AKAP13: variants seen among roughly 807,000 people sequenced by gnomAD.
The protein encoded by AKAP13 is A-kinase anchoring protein 13.
A neutral mutation model predicts 264.5 loss-of-function variants in AKAP13; 80 were observed. The ratio of observed to expected loss-of-function variants is 0.30; its 90% CI spans 0.25 to 0.36. The LOEUF (loss-of-function observed/expected upper bound fraction) is 0.36, where lower values mean the gene tolerates loss of function less well. AKAP13 is among the 10% of genes least tolerant of loss of function. AKAP13 has a pLI of 1.00. For synonymous variants in AKAP13, 1,380 were observed against 1,250.2 expected, an observed-to-expected ratio of 1.10 and a Z score of -2.19; for missense variants, 3,712 against 3,435.2, an observed-to-expected ratio of 1.08 and a Z score of -2.01.
At chr15:85,402,100 C>T (rs959513280) in intron 1 of AKAP13, among the ~76,000 whole-genome samples, 1 of 152,146 alleles carries the variant, frequency 6.6e-6, no homozygotes, top group Non-Finnish European at 1.5e-5. Context: ...AACGGTTAAA[C>T]TGTATCAGGT....
In AKAP13 at chr15:85,690,379, A is replaced by C. The variant is rs530925312; in HGVS notation, c.5290-2898A>C. 2.0e-5 allele frequency among the ~76,000 whole-genome samples: 3 copies of C among 152,380 alleles called. No homozygotes were observed. In the South Asian group the frequency reaches 6.2e-4, roughly 32 times the overall value. On this transcript the variant is annotated intron_variant, in intron 16 of 36. Coordinates refer to ENST00000394518, the MANE Select transcript of AKAP13 (RefSeq NM_007200.5). Reference sequence around the variant, plus strand: ...TCCATTTAACATTTTATGCATGGAAAAACCTTTAGCAAAATTTAGTTAAAA... The same window carrying C: ...TCCATTTAACATTTTATGCATGGAACAACCTTTAGCAAAATTTAGTTAAAA...
At chr15:85,723,422 G>T (rs1423981022) in intron 26 of AKAP13, 102 bp downstream of exon 26, 3 of 1,508,810 alleles carry the variant, frequency 2.0e-6, no homozygotes, top group South Asian at 1.3e-5. Flanking sequence ...TTCCCAGAGA[G>T]CCCATCTCTA....
chr15:85,624,520 A>G (rs1405192269), intron 8 of AKAP13: 1 of 152,234 alleles, frequency 6.6e-6, no homozygotes, highest in Admixed American at 6.5e-5. Context: ...GAGGCTCTGG[A>G]TTGAAGACAA....
chr15:85,654,134 GC>G (rs765335148), intron 10 of AKAP13, among the ~76,000 whole-genome samples: 1 of 152,220 alleles, frequency 6.6e-6, no homozygotes, highest in Non-Finnish European at 1.5e-5. Context: ...AGACCTCATT[GC>G]CAGGACTGAT....
At chr15:85,551,109 T>C (rs2077947601) in intron 5 of AKAP13, among the ~76,000 whole-genome samples, 1 of 152,192 alleles carries the variant, frequency 6.6e-6, no homozygotes. Flanking sequence ...TTGGTAGCAT[T>C]TTCAGGCTTT....
intron 5 of AKAP13, among the ~76,000 whole-genome samples, chr15:85,559,266 A>T (rs762904236): frequency 1.6e-4 from 25 of 152,190 alleles, no homozygotes; most frequent in Non-Finnish European, 2.8e-4. Context: ...CAGAGACAAC[A>T]CAAGTTCTGA....
intron 2 of AKAP13, among the ~76,000 whole-genome samples, chr15:85,487,711 G>T (rs535504014): frequency 1.7e-4 from 26 of 150,850 alleles, no homozygotes; most frequent in African/African-American, 6.1e-4. Flanking sequence ...GACTACAGAT[G>T]TGCGCCACCA....
intron 10 of AKAP13, among the ~76,000 whole-genome samples, chr15:85,650,607 T>G (rs1445317498): frequency 6.7e-6 from 1 of 150,148 alleles, no homozygotes; most frequent in Non-Finnish European, 1.5e-5. Context: ...AATACAAAAA[T>G]TAGCTGGGCG....
chr15:85,684,658 C>A, intron 15 of AKAP13, 83 bp from the exon 16 acceptor site: 1 of 1,438,788 alleles, frequency 7.0e-7, no homozygotes, highest in South Asian at 1.3e-5. Flanking sequence ...ATTCAGCAGC[C>A]TTCATCTACC....
chr15:85,648,586 T>C (rs1415896385), intron 10 of AKAP13, among the ~76,000 whole-genome samples: 1 of 152,126 alleles, frequency 6.6e-6, no homozygotes, highest in African/African-American at 2.4e-5. Context: ...GTGGTGGATC[T>C]TAGCATTTTG....
chr15:85,420,016 A>G (rs1321717577), intron 1 of AKAP13, among the ~76,000 whole-genome samples: 2 of 132,784 alleles, frequency 1.5e-5, no homozygotes, highest in Non-Finnish European at 3.0e-5. Context: ...ATCTCAGCTC[A>G]CTGCAAGCTC....
At position 85,747,006 on chromosome 15, in the gene AKAP13, G is replaced by C. The variant is rs144106205; in HGVS notation, c.*2329G>C. 3.5e-4 allele frequency: 53 copies of C among 152,358 alleles called. No individual in the cohort carries two copies. The highest frequency in any genetic ancestry group is 1.1e-3 in the African/African-American group (47 of 41,588). 9.4% of individuals were successfully genotyped at this position (152,358 alleles called of 1,614,324 possible). The stretch of plus-strand genomic sequence containing the variant: ...GGTCTCTTACTCCCCGCCCAGCTGT[G>C]ATGTTTCATCTGCTTTGGTTGTTTT... On this transcript the variant is annotated 3_prime_UTR_variant, in exon 37 of 37. Coordinates refer to ENST00000394518, the MANE Select transcript of AKAP13 (RefSeq NM_007200.5).
intron 1 of AKAP13, among the ~76,000 whole-genome samples, chr15:85,484,109 T>C (rs534336836): frequency 6.9e-4 from 105 of 152,278 alleles, no homozygotes; most frequent in African/African-American, 2.4e-3. Flanking sequence ...TCCCATGTCC[T>C]AGGCAAGTCT....
At chr15:85,383,759 G>A (rs1406783191) in intron 1 of AKAP13, among the ~76,000 whole-genome samples, 1 of 152,130 alleles carries the variant, frequency 6.6e-6, no homozygotes, top group East Asian at 1.9e-4. Context: ...AGTGAGAGAT[G>A]GATTGTTTTC....
chr15:85,579,008 G>A lies in AKAP13; in HGVS notation c.940G>A (p.Asp314Asn). The part of the protein sequence containing the change: ...AQDPSSAPET[D>N]GQFLPCAPEP... ...GGATCCTTCCAGTGCCCCAGAGACA[G>A]ATGGCCAGTTTCTTCCCTGTGCACC... Residue 314 changes from aspartate (D) to asparagine (N), a missense_variant, in exon 7 of 37, where the codon GAT (aspartate) becomes AAT (asparagine). Asp to Asn is a conservative substitution (Grantham distance 23). Around this residue, in one of 3 missense-constraint regions of AKAP13, gnomAD observed 2,759 missense variants for 2,411.7 expected, o/e 1.14. Coordinates refer to ENST00000394518, the MANE Select transcript of AKAP13 (RefSeq NM_007200.5). The A allele has an allele frequency of 6.2e-7, 1 of 1,614,096 alleles. No homozygotes were observed.
rs1331279759 is a variant in AKAP13, at chr15:85,616,177, TG to T, written c.4162-23194del. 2.0e-5 allele frequency among the ~76,000 whole-genome samples: 3 copies of T among 152,148 alleles called. No individual in the cohort carries two copies. The East Asian group carries it at 5.8e-4, about 29-fold the overall frequency. ...ATTCACTGGCCTTTGGTGTTCTGTT[TG>T]GGTCTTCAGCATCCCCCACTAGGTG... is the stretch of plus-strand genomic sequence containing the variant. On this transcript the variant is annotated intron_variant, in intron 8 of 36. Transcript: ENST00000394518.
intron 4 of AKAP13, among the ~76,000 whole-genome samples, chr15:85,543,091 A>G (rs2151212351): frequency 6.6e-6 from 1 of 152,346 alleles, no homozygotes; most frequent in East Asian, 1.9e-4. Flanking sequence ...CAAGTTAAAT[A>G]AACGTTTTCC....
At chr15:85,577,900 C>A in intron 6 of AKAP13, 1 of 842,320 alleles carries the variant, frequency 1.2e-6, no homozygotes, top group Non-Finnish European at 1.4e-6. Context: ...GGCACATTGG[C>A]TGCACCTTGT....
At chr15:85,613,715 A>ATATATATATATATATATATAT (rs1421387238) in intron 8 of AKAP13, among the ~76,000 whole-genome samples, 53 of 76,796 alleles carry the variant, frequency 6.9e-4, no homozygotes, top group Non-Finnish European at 1.1e-3. Flanking sequence ...TATATATATT[A>ATATATATATATATATATATAT]GGAGTGCTGA....
Sources: gnomAD v4.1 joint callset for allele counts (sites outside exome capture counted in the v4.1 genomes callset) on GRCh38, gnomAD v4.1.1 for gene constraint, gnomAD v4.1.1 regional missense constraint, MANE v1.5 for transcripts, NCBI Gene and HGNC (gene_info 2026-07-23, HGNC 2026-07-21) for gene names.